Variants in ENOX2 observed in about 807,000 individuals in gnomAD.
ENOX2 encodes ecto-NOX disulfide-thiol exchanger 2, also known as APK1 antigen.
ENOX2 carries 36 observed loss-of-function variants against 45.0 expected under a neutral mutation model. That is an observed-to-expected ratio of 0.80 (90% CI 0.61 to 1.06). The LOEUF (loss-of-function observed/expected upper bound fraction) is 1.06, where lower values mean the gene tolerates loss of function less well. Ranked by LOEUF, ENOX2 falls within the 50% of genes least tolerant of loss-of-function variation. The probability of loss-of-function intolerance (pLI) is 0.00; values close to 1 mark genes in which losing one functional copy is unlikely to be tolerated. For missense variants in ENOX2, 423 were observed against 462.5 expected (o/e 0.91, Z 0.78); for synonymous variants, 174 against 152.3 (o/e 1.14, Z -1.05).
intron 3 of ENOX2, among the ~76,000 whole-genome samples, chrX:130,745,519 T>C (rs2039079511): frequency 8.9e-6 from 1 of 112,102 alleles, no homozygotes; most frequent in Admixed American, 9.4e-5. Flanking sequence ...AGGCTTGACT[T>C]TAGGATCAGA....
intron 9 of ENOX2, among the ~76,000 whole-genome samples, chrX:130,660,729 A>G (rs1312794619): frequency 8.9e-6 from 1 of 112,582 alleles, no homozygotes; most frequent in South Asian, 3.7e-4. Context: ...GGGTCACATC[A>G]CTGGTAGACT....
chrX:130,674,455 G>A (rs1347969972), intron 6 of ENOX2, among the ~76,000 whole-genome samples: 1 of 109,534 alleles, frequency 9.1e-6, no homozygotes, highest in African/African-American at 3.3e-5. Flanking sequence ...AAAGACAGGG[G>A]AAGAGAACAG....
intron 9 of ENOX2, among the ~76,000 whole-genome samples, chrX:130,661,678 C>G (rs1028536498): frequency 8.9e-6 from 1 of 112,097 alleles, no homozygotes. Flanking sequence ...AGTGGAAATA[C>G]AAATTAGGTT....
chrX:130,875,938 A>G (rs2078691487), intron 2 of ENOX2, among the ~76,000 whole-genome samples: 1 of 112,243 alleles, frequency 8.9e-6, no homozygotes, highest in Admixed American at 9.4e-5. Flanking sequence ...AATAAAAAGA[A>G]AGGCAGACAA....
At chrX:130,866,298 T>C (rs1217194139) in intron 2 of ENOX2, among the ~76,000 whole-genome samples, 1 of 111,911 alleles carries the variant, frequency 8.9e-6, no homozygotes, top group Non-Finnish European at 1.9e-5. Flanking sequence ...ATTTCTAGTC[T>C]TTCTATTTCC....
intron 2 of ENOX2, among the ~76,000 whole-genome samples, chrX:130,879,878 G>A (rs1354787662): frequency 8.9e-6 from 1 of 111,804 alleles, no homozygotes; most frequent in Non-Finnish European, 1.9e-5. Flanking sequence ...TCTGGGGGAA[G>A]GGAGAGGCAA....
chrX:130,670,822 A>C (rs1265539385), intron 6 of ENOX2, among the ~76,000 whole-genome samples: 1 of 110,151 alleles, frequency 9.1e-6, no homozygotes, highest in African/African-American at 3.3e-5. Flanking sequence ...ATAATATAGT[A>C]GTATAGGACT....
intron 2 of ENOX2, among the ~76,000 whole-genome samples, chrX:130,871,260 T>C (rs1285647645): frequency 9.0e-6 from 1 of 111,572 alleles, no homozygotes; most frequent in Non-Finnish European, 1.9e-5. Context: ...TTAAAGGTGA[T>C]TTTTCCCTAA....
chrX:130,761,737 G>A (rs2039495280), intron 3 of ENOX2, among the ~76,000 whole-genome samples: 1 of 110,419 alleles, frequency 9.1e-6, no homozygotes, highest in Admixed American at 9.6e-5. Context: ...ACTTTAAAAT[G>A]GTCAGATCTC....
chrX:130,821,435 G>A (rs1182928752), intron 2 of ENOX2, among the ~76,000 whole-genome samples: 1 of 88,132 alleles, frequency 1.1e-5, no homozygotes, highest in African/African-American at 4.2e-5. Context: ...GTAAACTATC[G>A]CAAGAACAAA....
At chrX:130,890,724 T>C (rs917433714) in intron 2 of ENOX2, among the ~76,000 whole-genome samples, 2 of 112,639 alleles carry the variant, frequency 1.8e-5, no homozygotes, top group African/African-American at 6.4e-5. Flanking sequence ...CACAGCAAGG[T>C]TTGGTTTCAC....
intron 5 of ENOX2, among the ~76,000 whole-genome samples, chrX:130,685,165 CTA>C (rs754754243): frequency 4.1e-4 from 46 of 111,181 alleles, no homozygotes; most frequent in Non-Finnish European, 8.1e-4. Flanking sequence ...CGCAAAGGCC[CTA>C]TGATGGGAGA....
chrX:130,883,703 T>C (rs1288746406), intron 2 of ENOX2, among the ~76,000 whole-genome samples: 1 of 110,958 alleles, frequency 9.0e-6, no homozygotes. Context: ...TATACTAACC[T>C]TTATATTCCC....
intron 3 of ENOX2, among the ~76,000 whole-genome samples, chrX:130,743,933 T>C (rs1215631426): frequency 1.8e-5 from 2 of 112,326 alleles, no homozygotes; most frequent in East Asian, 2.8e-4. Context: ...AGGCAGCTTA[T>C]GGTTCAATAT....
At chrX:130,854,301 T>C (rs183849531) in intron 2 of ENOX2, among the ~76,000 whole-genome samples, 1 of 111,748 alleles carries the variant, frequency 8.9e-6, no homozygotes, top group East Asian at 2.8e-4. Flanking sequence ...TACAGACAGA[T>C]GACAGAGGAA....
chrX:130,678,978 G>T (rs939730661), intron 6 of ENOX2, among the ~76,000 whole-genome samples: 1 of 111,653 alleles, frequency 9.0e-6, no homozygotes, highest in Non-Finnish European at 1.9e-5. Flanking sequence ...ACGTTCTGGT[G>T]GGGGAGATGG....
At chrX:130,900,899 C>G (rs2079134775) in intron 2 of ENOX2, among the ~76,000 whole-genome samples, 1 of 112,288 alleles carries the variant, frequency 8.9e-6, no homozygotes. Context: ...TTCTCCAACA[C>G]TTCACGTGGG....
intron 2 of ENOX2, among the ~76,000 whole-genome samples, chrX:130,784,979 A>C (rs1276037405): frequency 9.1e-6 from 1 of 110,411 alleles, no homozygotes; most frequent in Admixed American, 9.7e-5. Context: ...AAAAAAAAAA[A>C]ACCTTGAAAT....
At chrX:130,799,062 G>A (rs924342844) in intron 2 of ENOX2, among the ~76,000 whole-genome samples, 1 of 111,766 alleles carries the variant, frequency 8.9e-6, no homozygotes, top group African/African-American at 3.3e-5. Flanking sequence ...GTGTCTGTAA[G>A]GGCGATGCCA....
Sources: allele counts gnomAD v4.1 joint callset (sites outside exome capture counted in the v4.1 genomes callset), GRCh38; gene constraint gnomAD v4.1.1; transcripts MANE v1.5; gene names NCBI Gene and HGNC (gene_info 2026-07-23, HGNC 2026-07-21).